SAMD12: variants seen among roughly 807,000 people sequenced by gnomAD.
SAMD12 encodes sterile alpha motif domain-containing protein 12.
Under a neutral mutation model 15.0 loss-of-function variants are expected in SAMD12, and 9 were observed. That is an observed-to-expected ratio of 0.60 (90% CI 0.36 to 1.05). The LOEUF (loss-of-function observed/expected upper bound fraction) is 1.05, where lower values mean the gene tolerates loss of function less well. SAMD12 is among the 50% of genes least tolerant of loss of function. The pLI is 0.01. For synonymous variants in SAMD12, 86 were observed against 90.1 expected, an observed-to-expected ratio of 0.96 and a Z score of 0.25; for missense variants, 230 against 234.2, an observed-to-expected ratio of 0.98 and a Z score of 0.12.
chr8:118,352,190 A>G (rs1375280134), intron 4 of SAMD12, among the ~76,000 whole-genome samples: 1 of 152,206 alleles, frequency 6.6e-6, no homozygotes, highest in Non-Finnish European at 1.5e-5. Context: ...TCATCCAACA[A>G]CTAATAATTG....
chr8:118,447,493 T>C (rs1822949423), intron 2 of SAMD12, among the ~76,000 whole-genome samples: 1 of 151,742 alleles, frequency 6.6e-6, no homozygotes, highest in African/African-American at 2.4e-5. Flanking sequence ...TTAGTAGAGA[T>C]GGGGTTTCAC....
chr8:118,186,505 C>G (rs909630951), downstream of SAMD12, among the ~76,000 whole-genome samples: 26 of 151,004 alleles, frequency 1.7e-4, no homozygotes, highest in Non-Finnish European at 3.5e-4. Context: ...CTTACTGGAA[C>G]TAGAATTTAA....
chr8:118,585,125 TG>T (rs1325676766), intron 1 of SAMD12, among the ~76,000 whole-genome samples: 1 of 152,220 alleles, frequency 6.6e-6, no homozygotes, highest in African/African-American at 2.4e-5. Context: ...ATAAAAGGAA[TG>T]GCATTCTCAT....
chr8:118,455,473 C>G (rs150880823), intron 2 of SAMD12, among the ~76,000 whole-genome samples: 74 of 152,254 alleles, frequency 4.9e-4, no homozygotes, highest in African/African-American at 1.7e-3. Context: ...CCTCTTTGAC[C>G]TAAATGGTAT....
chr8:118,165,212 A>T, the SAMD12 span, among the ~76,000 whole-genome samples: 117 of 152,052 alleles, frequency 7.7e-4, 1 homozygote, highest in Non-Finnish European at 4.6e-4. Context: ...GTTCTCATGA[A>T]CCTTTTCTTG....
chr8:118,548,640 G>C (rs1032559857), intron 2 of SAMD12, among the ~76,000 whole-genome samples: 12 of 152,212 alleles, frequency 7.9e-5, no homozygotes, highest in African/African-American at 2.7e-4. Context: ...CTGAGGTACC[G>C]GGTTCATCTC....
intron 2 of SAMD12, among the ~76,000 whole-genome samples, chr8:118,554,413 C>T (rs1826454686): frequency 6.6e-6 from 1 of 151,950 alleles, no homozygotes; most frequent in Admixed American, 6.6e-5. Context: ...AATCATCATT[C>T]TCAGTAAACT....
At chr8:118,180,957 T>C in the SAMD12 span, among the ~76,000 whole-genome samples, 7 of 152,034 alleles carry the variant, frequency 4.6e-5, no homozygotes, top group Non-Finnish European at 1.0e-4. Flanking sequence ...GGGAACAGAG[T>C]CCCCTACAAC....
chr8:118,609,130 G>A (rs942995379), intron 1 of SAMD12, among the ~76,000 whole-genome samples: 2 of 152,142 alleles, frequency 1.3e-5, no homozygotes, highest in African/African-American at 4.8e-5. Context: ...TAAAGAACAA[G>A]TAAGATAATG....
intron 4 of SAMD12, among the ~76,000 whole-genome samples, chr8:118,201,383 TA>T (rs1382836942): frequency 2.0e-5 from 3 of 152,158 alleles, no homozygotes; most frequent in African/African-American, 7.2e-5. Flanking sequence ...TCACTTCCTT[TA>T]TGAAGTATTC....
At chr8:118,161,017 C>A in the SAMD12 span, among the ~76,000 whole-genome samples, 45,131 of 151,848 alleles carry the variant, frequency 0.3, 6,666 homozygotes, top group Admixed American at 0.33. Context: ...TTGTTCAATT[C>A]CCACCTATGA....
intron 3 of SAMD12, among the ~76,000 whole-genome samples, chr8:118,392,335 G>T (rs918688742): frequency 6.6e-6 from 1 of 152,234 alleles, no homozygotes; most frequent in African/African-American, 2.4e-5. Context: ...GGAGGCCGAG[G>T]CAGGAGAATC....
At chr8:118,294,827 G>C (rs979515532) in intron 4 of SAMD12, among the ~76,000 whole-genome samples, 21 of 152,050 alleles carry the variant, frequency 1.4e-4, no homozygotes, top group African/African-American at 4.3e-4. Flanking sequence ...GCTTGGATCT[G>C]GGTACATTAA....
At chr8:118,596,578 C>T (rs781297523) in intron 1 of SAMD12, among the ~76,000 whole-genome samples, 2 of 152,198 alleles carry the variant, frequency 1.3e-5, no homozygotes, top group Admixed American at 6.5e-5. Context: ...TTGGAGGAAG[C>T]GCCAGCCTTT....
chr8:118,191,053 T>G (rs1819355879), exon 5 of SAMD12: 2 of 152,202 alleles, frequency 1.3e-5, no homozygotes, highest in South Asian at 4.1e-4. Flanking sequence ...ATAATTACAT[T>G]AACTGAAACT....
intron 4 of SAMD12, among the ~76,000 whole-genome samples, chr8:118,362,505 ACAAC>A (rs983579395): frequency 2.6e-5 from 4 of 152,258 alleles, no homozygotes; most frequent in African/African-American, 9.6e-5. Flanking sequence ...GTGAATTATA[ACAAC>A]CAACCACATG....
intron 4 of SAMD12, among the ~76,000 whole-genome samples, chr8:118,222,636 G>A (rs1436948989): frequency 6.6e-6 from 1 of 152,060 alleles, no homozygotes; most frequent in South Asian, 2.1e-4. Context: ...CTCCCGAGTA[G>A]CTGGGATTAC....
At chr8:118,376,697 A>C (rs1012271544), downstream of SAMD12, among the ~76,000 whole-genome samples, 2 of 152,166 alleles carry the variant, frequency 1.3e-5, no homozygotes, top group Non-Finnish European at 2.9e-5. Flanking sequence ...ATCTCTATGG[A>C]TAAGAACTGT....
At chr8:118,174,548 A>G in the SAMD12 span, among the ~76,000 whole-genome samples, 1 of 152,178 alleles carries the variant, frequency 6.6e-6, no homozygotes, top group African/African-American at 2.4e-5. Flanking sequence ...TCATTTTACT[A>G]TACTGGCAAA....
Sources: gnomAD v4.1 joint callset for allele counts (sites outside exome capture counted in the v4.1 genomes callset) on GRCh38, gnomAD v4.1.1 for gene constraint, MANE v1.5 for transcripts, NCBI Gene and HGNC (gene_info 2026-07-23, HGNC 2026-07-21) for gene names.